Variants in TENM2 observed in about 807,000 individuals in gnomAD.
TENM2 encodes teneurin-2.
In TENM2, 52 loss-of-function variants were observed where a neutral mutation model predicts 245.2. That is an observed-to-expected ratio of 0.21 (90% CI 0.17 to 0.27). The LOEUF (loss-of-function observed/expected upper bound fraction) is 0.27. Ranked by LOEUF, TENM2 falls within the 10% of genes least tolerant of loss-of-function variation. TENM2 has a pLI of 1.00. For missense variants in TENM2, 3,046 were observed against 3,666.8 expected (o/e 0.83, Z 4.37); for synonymous variants, 1,363 against 1,438.9 (o/e 0.95, Z 1.19).
intron 2 of TENM2, among the ~76,000 whole-genome samples, chr5:167,645,455 G>A (rs1455042197): frequency 6.6e-6 from 1 of 152,048 alleles, no homozygotes; most frequent in Non-Finnish European, 1.5e-5. Flanking sequence ...ATCCAGTTTG[G>A]AAATCCACCA....
intron 1 of TENM2, among the ~76,000 whole-genome samples, chr5:167,290,601 C>T (rs1449538601): frequency 6.6e-6 from 1 of 152,066 alleles, no homozygotes. Flanking sequence ...CCAGCTTGTT[C>T]ATAGAGTGTG....
intron 5 of TENM2, among the ~76,000 whole-genome samples, chr5:168,030,229 G>A (rs190367491): frequency 3.5e-3 from 430 of 122,174 alleles, no homozygotes; most frequent in African/African-American, 0.013. Flanking sequence ...TCCATATTGC[G>A]TCCTCCCAGC....
intron 2 of TENM2, among the ~76,000 whole-genome samples, chr5:167,658,827 G>A (rs1278359991): frequency 6.6e-6 from 1 of 152,184 alleles, no homozygotes; most frequent in Non-Finnish European, 1.5e-5. Context: ...GAAAGATCAT[G>A]TAGCAAGAAT....
chr5:167,925,904 A>G (rs248138), intron 3 of TENM2, among the ~76,000 whole-genome samples: 51,337 of 152,072 alleles, frequency 0.34, 11,469 homozygotes, highest in African/African-American at 0.65. Flanking sequence ...GCTAAATGAT[A>G]AGAACTTATG....
intron 12 of TENM2, among the ~76,000 whole-genome samples, chr5:168,155,677 G>GT (rs553376821): frequency 1.3e-5 from 2 of 151,960 alleles, no homozygotes; most frequent in Non-Finnish European, 1.5e-5. Context: ...ATGGGTTCTT[G>GT]TTTTTTTCCC....
At chr5:167,183,320 A>G in the TENM2 span, among the ~76,000 whole-genome samples, 13 of 152,188 alleles carry the variant, frequency 8.5e-5, no homozygotes, top group Non-Finnish European at 1.8e-4. Context: ...CCCAGTGTGC[A>G]AATCTGATAT....
intron 3 of TENM2, among the ~76,000 whole-genome samples, chr5:167,935,128 C>T (rs981468558): frequency 6.6e-6 from 1 of 152,036 alleles, no homozygotes; most frequent in Non-Finnish European, 1.5e-5. Flanking sequence ...CTCTACAAAC[C>T]GAGAGAGAAA....
At chr5:167,137,148 C>T in the TENM2 span, among the ~76,000 whole-genome samples, 1 of 152,226 alleles carries the variant, frequency 6.6e-6, no homozygotes, top group South Asian at 2.1e-4. Context: ...AACATGACCT[C>T]CTCTAATCCT....
At chr5:167,889,167 C>T (rs1186107674) in intron 3 of TENM2, among the ~76,000 whole-genome samples, 1 of 152,156 alleles carries the variant, frequency 6.6e-6, no homozygotes, top group African/African-American at 2.4e-5. Flanking sequence ...TTCAGCAGAA[C>T]AGTTTCCCCA....
chr5:167,790,163 A>G (rs1764848792), intron 2 of TENM2, among the ~76,000 whole-genome samples: 2 of 152,060 alleles, frequency 1.3e-5, no homozygotes, highest in Non-Finnish European at 2.9e-5. Flanking sequence ...TGATTCCTGC[A>G]CAGAGCTTCC....
the TENM2 span, among the ~76,000 whole-genome samples, chr5:167,083,970 G>A: frequency 6.6e-6 from 1 of 152,086 alleles, no homozygotes; most frequent in East Asian, 1.9e-4. Context: ...TTACCTGAGG[G>A]TGCTAATCTA....
the TENM2 span, among the ~76,000 whole-genome samples, chr5:166,995,979 ATATTTT>A: frequency 1.8e-4 from 27 of 152,122 alleles, no homozygotes; most frequent in African/African-American, 5.5e-4. Flanking sequence ...ATTTTAAATA[ATATTTT>A]TATTTTTATG....
chr5:167,319,261 T>C (rs1007551194), intron 1 of TENM2, among the ~76,000 whole-genome samples: 7 of 152,224 alleles, frequency 4.6e-5, no homozygotes, highest in African/African-American at 1.7e-4. Flanking sequence ...TTTTTAGTTA[T>C]ATGACCTTGA....
In TENM2 at chr5:168,190,296, CA is replaced by C. The variant is rs771616678; in HGVS notation, c.2570-40del. Reference sequence around the variant, plus strand: ...TTAGTGTCTCCAAACAGCTTTATGCCATGAAATCTGCTGACTCTGGCTCTGC... The same window carrying C: ...TTAGTGTCTCCAAACAGCTTTATGCCTGAAATCTGCTGACTCTGGCTCTGC... On this transcript the variant is annotated intron_variant, in intron 13 of 28. Coordinates refer to ENST00000518659, the Ensembl canonical transcript of TENM2. 32 of 1,534,444 alleles carry C rather than the reference CA, an allele frequency of 2.1e-5. No homozygotes were observed. In the Admixed American group the frequency reaches 3.2e-4, roughly 15 times the overall value.
chr5:167,120,011 C>T, the TENM2 span, among the ~76,000 whole-genome samples: 2 of 152,016 alleles, frequency 1.3e-5, no homozygotes, highest in East Asian at 1.9e-4. Context: ...AGTCGAGCCT[C>T]GTAGGCAAAG....
At chr5:167,620,219 A>G (rs930702716) in intron 2 of TENM2, among the ~76,000 whole-genome samples, 1 of 152,080 alleles carries the variant, frequency 6.6e-6, no homozygotes, top group Non-Finnish European at 1.5e-5. Flanking sequence ...ATGTCTCCCT[A>G]ATAATGGTAA....
Position 167,356,217 on chromosome 5 carries a change from A to ATT in TENM2, c.227-18981_227-18980insTT, listed in dbSNP as rs1478898963. Among the ~76,000 whole-genome samples the ATT allele has an allele frequency of 3.5e-4, 45 of 129,158 alleles. No individual in the cohort carries two copies. In the South Asian group the frequency reaches 4.3e-3, roughly 12 times the overall value. The allele number at this position is 129,158 out of a possible 152,430, so 84.7% of individuals were successfully genotyped here. ...AAAAAAAAAAAAAAAAAAAAAAAAAAAAAATTAAAATTAAAAAAAAGGCAG... is the reference window on the plus strand; with the variant it reads ...AAAAAAAAAAAAAAAAAAAAAAAAAATTAAAATTAAAATTAAAAAAAAGGCAG... On this transcript the variant is annotated intron_variant, in intron 1 of 28. Transcript: ENST00000518659.
At chr5:167,882,914 T>G (rs933161132) in intron 3 of TENM2, among the ~76,000 whole-genome samples, 10 of 152,210 alleles carry the variant, frequency 6.6e-5, no homozygotes, top group Admixed American at 1.3e-4. Flanking sequence ...CTAAGCTTTC[T>G]TCTTGTTCTA....
At chr5:168,236,938 T>C (rs529292641) in intron 25 of TENM2, among the ~76,000 whole-genome samples, 1 of 53,928 alleles carries the variant, frequency 1.9e-5, no homozygotes, top group Non-Finnish European at 3.5e-5. Flanking sequence ...GATGTCCTAA[T>C]CATATATATA....
Sources: gnomAD v4.1 joint callset for allele counts (sites outside exome capture counted in the v4.1 genomes callset) on GRCh38, gnomAD v4.1.1 for gene constraint, MANE v1.5 for transcripts, NCBI Gene and HGNC (gene_info 2026-07-23, HGNC 2026-07-21) for gene names.